The following TMEM132B variants were observed in gnomAD, a reference collection of about 807,000 sequenced individuals.
TMEM132B encodes transmembrane protein 132B.
A neutral mutation model predicts 90.8 loss-of-function variants in TMEM132B; 18 were observed. The ratio of observed to expected loss-of-function variants is 0.20; its 90% CI spans 0.14 to 0.29. The LOEUF is 0.29. Ranked by LOEUF, TMEM132B falls within the 10% of genes least tolerant of loss-of-function variation. The pLI is 1.00. For missense variants in TMEM132B, 1,096 were observed against 1,326.8 expected, an observed-to-expected ratio of 0.83 and a Z score of 2.70; for synonymous variants, 504 against 523.3, an observed-to-expected ratio of 0.96 and a Z score of 0.50.
Position 125,652,309 on chromosome 12 carries a change from TC to T in TMEM132B, c.1915-129del, listed in dbSNP as rs1886943041. On this transcript the variant is annotated intron_variant, in intron 7 of 8. Transcript: ENST00000682704. ...TGTGATTGAACAACGGCATAATACT[TC>T]CCTAACCGATTCCCACAAATGCATG... 2.0e-5 allele frequency: 15 copies of T among 768,398 alleles called. No individual in the cohort carries two copies. The East Asian group carries it at 4.0e-4, about 21-fold the overall frequency. 47.6% of individuals were successfully genotyped at this position (768,398 alleles called of 1,614,324 possible).
At chr12:125,552,577 A>G (rs989034615) in intron 4 of TMEM132B, among the ~76,000 whole-genome samples, 1 of 152,104 alleles carries the variant, frequency 6.6e-6, no homozygotes, top group Non-Finnish European at 1.5e-5. Flanking sequence ...AAGCTACCTC[A>G]TCACACTCCC....
At chr12:125,517,327 A>ATTTTTTTTTT (rs56147854) in intron 3 of TMEM132B, among the ~76,000 whole-genome samples, 3 of 28,418 alleles carry the variant, frequency 1.1e-4, no homozygotes, top group Non-Finnish European at 2.2e-4. Flanking sequence ...TGCCCTGCTG[A>ATTTTTTTTTT]TTTTTTTTTT....
At position 125,492,303 on chromosome 12, in the gene TMEM132B, C is replaced by A. The variant is rs1300628872; in HGVS notation, c.1107-27136C>A. Among the ~76,000 whole-genome samples the A allele has an allele frequency of 6.6e-6, 1 of 152,250 alleles. No homozygotes were observed. The highest frequency in any genetic ancestry group is 2.4e-5 in the African/African-American group (1 of 41,476). ...TGTCTCTTGAAGTGACTGCTGCTCACCATTCCTTAGCGGGCTCTCGCGTGT... is the reference window on the plus strand; with the variant it reads ...TGTCTCTTGAAGTGACTGCTGCTCAACATTCCTTAGCGGGCTCTCGCGTGT... On this transcript the variant is annotated intron_variant, in intron 3 of 8. Coordinates refer to ENST00000682704, the MANE Select transcript of TMEM132B (RefSeq NM_001366854.1). The surrounding 1 kb of genome is among the most constrained non-coding windows in gnomAD (Gnocchi z 5.8).
chr12:125,519,574 C>A lies in TMEM132B; in HGVS notation c.1242C>A (p.Ser414=). Reference sequence around the variant, plus strand: ...ACTCCATGAGTGAGCTGGTCGTCTCCGAGATCTTCGTCAGCCAGACAACCT... The same window carrying A: ...ACTCCATGAGTGAGCTGGTCGTCTCAGAGATCTTCGTCAGCCAGACAACCT... ...IEDSMSELVV[S]EIFVSQTTFV... is the part of the protein sequence containing the mutation. The change falls in exon 4 of 9, where the codon TCC becomes TCA. Residue 414 remains serine, a synonymous_variant. Transcript: ENST00000682704. 3 of 1,614,100 alleles carry A rather than the reference C, an allele frequency of 1.9e-6. No individual in the cohort carries two copies. The highest frequency in any genetic ancestry group is 2.5e-6 in the Non-Finnish European group (3 of 1,180,016).
At chr12:125,598,829 C>T (rs943664208) in intron 5 of TMEM132B, among the ~76,000 whole-genome samples, 10 of 152,022 alleles carry the variant, frequency 6.6e-5, no homozygotes, top group African/African-American at 2.2e-4. Context: ...CTCAAATTCC[C>T]CTAATAGAGG....
chr12:125,188,861 A>AAAAAG (rs1565970785), intron 1 of TMEM132B, among the ~76,000 whole-genome samples: 2 of 144,866 alleles, frequency 1.4e-5, no homozygotes, highest in Middle Eastern at 3.5e-3. Context: ...GCAAAAAAAA[A>AAAAAG]AAAAAAAAAA....
intron 2 of TMEM132B, among the ~76,000 whole-genome samples, chr12:125,370,897 G>A (rs1046756680): frequency 6.6e-6 from 1 of 152,182 alleles, no homozygotes; most frequent in African/African-American, 2.4e-5. Flanking sequence ...TATATGACAG[G>A]GAGTTTATGA....
intron 4 of TMEM132B, among the ~76,000 whole-genome samples, chr12:125,542,410 C>G (rs1372854893): frequency 1.3e-5 from 2 of 152,172 alleles, no homozygotes; most frequent in Non-Finnish European, 2.9e-5. Context: ...TATATTCATA[C>G]TGTTATGCAG....
At chr12:125,364,963 T>C (rs1411830482) in intron 2 of TMEM132B, among the ~76,000 whole-genome samples, 2 of 152,046 alleles carry the variant, frequency 1.3e-5, no homozygotes, top group Admixed American at 6.5e-5. Flanking sequence ...TGATAATCTG[T>C]ATTTTAATTA....
chr12:125,415,562 G>T lies in TMEM132B; in HGVS notation c.991G>T (p.Ala331Ser), dbSNP rs200154159. 435 of 1,614,076 alleles carry T rather than the reference G, an allele frequency of 2.7e-4. No individual in the cohort carries two copies. The highest frequency in any genetic ancestry group is 3.5e-4 in the Non-Finnish European group (411 of 1,180,044). Reference protein sequence around the residue: ...IKAAAGVKITAVRVSSEDQWA... With the variant: ...IKAAAGVKITSVRVSSEDQWA... The stretch of plus-strand genomic sequence containing the variant: ...GGCGGCAGCAGGTGTGAAGATAACG[G>T]CAGTGAGAGTCAGCAGTGAGGACCA... The change falls in exon 3 of 9, where the codon GCA becomes TCA. Residue 331 changes from alanine (A) to serine (S), a missense_variant. Transcript: ENST00000682704. The surrounding 1 kb of genome is among the most constrained non-coding windows in gnomAD (Gnocchi z 5.3).
rs539223755 is a variant in TMEM132B, at chr12:125,372,033, G to A, written c.959+21690G>A. ...AAGAAGCAAATGCATTGTGCCAACT[G>A]TAATTTTAAGGTTAGATATAATTTT... On this transcript the variant is annotated intron_variant, in intron 2 of 8. Transcript: ENST00000682704. Among the ~76,000 whole-genome samples the A allele has an allele frequency of 7.9e-5, 12 of 152,302 alleles. No individual in the cohort carries two copies. The East Asian group carries it at 2.3e-3, about 29-fold the overall frequency.
intron 2 of TMEM132B, among the ~76,000 whole-genome samples, chr12:125,382,705 A>G (rs955307596): frequency 6.6e-6 from 1 of 152,248 alleles, no homozygotes; most frequent in East Asian, 1.9e-4. Context: ...ATTTGATGCC[A>G]AGAAATTACA....
intron 1 of TMEM132B, among the ~76,000 whole-genome samples, chr12:125,293,710 TA>T (rs755042039): frequency 6.6e-6 from 1 of 152,244 alleles, no homozygotes; most frequent in Non-Finnish European, 1.5e-5. Context: ...AATGGGCACC[TA>T]GGTTGATCCC....
chr12:125,297,979 A>G (rs1187292278), intron 1 of TMEM132B, among the ~76,000 whole-genome samples: 1 of 152,232 alleles, frequency 6.6e-6, no homozygotes, highest in Non-Finnish European at 1.5e-5. Context: ...TAGGCTTGGC[A>G]TGATGGCTCA....
At chr12:125,337,845 A>T (rs535617578) in intron 1 of TMEM132B, among the ~76,000 whole-genome samples, 1 of 152,222 alleles carries the variant, frequency 6.6e-6, no homozygotes, top group Non-Finnish European at 1.5e-5. Context: ...ACTTTGAAAG[A>T]ATGGCCATAG....
intron 1 of TMEM132B, among the ~76,000 whole-genome samples, chr12:125,192,070 G>A (rs959652150): frequency 4.6e-5 from 7 of 152,326 alleles, no homozygotes; most frequent in African/African-American, 1.7e-4. Flanking sequence ...GAAGAATCAT[G>A]TACCTCAGAA....
chr12:125,286,628 GC>G (rs35355835), intron 1 of TMEM132B, among the ~76,000 whole-genome samples: 20,806 of 152,156 alleles, frequency 0.14, 1,591 homozygotes, highest in African/African-American at 0.2. Flanking sequence ...GAGGTCAGAA[GC>G]CTGCAGTCAG....
chr12:125,339,398 A>G (rs1290243358), intron 1 of TMEM132B, among the ~76,000 whole-genome samples: 2 of 152,026 alleles, frequency 1.3e-5, no homozygotes, highest in African/African-American at 4.8e-5. Context: ...TCCTCATCTT[A>G]TGAGGACGCC....
At chr12:125,321,133 T>C (rs2136190134) in intron 1 of TMEM132B, among the ~76,000 whole-genome samples, 1 of 152,358 alleles carries the variant, frequency 6.6e-6, no homozygotes, top group Admixed American at 6.5e-5. Flanking sequence ...AAAGAGGTGC[T>C]GGATCTGGAT....
Sources: allele counts gnomAD v4.1 joint callset (sites outside exome capture counted in the v4.1 genomes callset), GRCh38; gene constraint gnomAD v4.1.1; non-coding constraint Gnocchi (gnomAD v3.1); transcripts MANE v1.5; gene names NCBI Gene and HGNC (gene_info 2026-07-23, HGNC 2026-07-21).